The following USP40 variants were observed in gnomAD, a reference collection of about 807,000 sequenced individuals.
USP40 encodes ubiquitin specific peptidase 40, also known as ubiquitin carboxyl-terminal hydrolase 40.
USP40 carries 143 observed loss-of-function variants against 166.2 expected under a neutral mutation model. That is an observed-to-expected ratio of 0.86 (90% confidence interval 0.75 to 0.99). The LOEUF (loss-of-function observed/expected upper bound fraction) is 0.99, where lower values mean the gene tolerates loss of function less well. Ranked by LOEUF, USP40 falls within the 50% of genes least tolerant of loss-of-function variation. The probability of loss-of-function intolerance (pLI) is 0.00; values close to 1 mark genes in which losing one functional copy is unlikely to be tolerated. For missense variants in USP40, 1,444 were observed against 1,479.7 expected, an observed-to-expected ratio of 0.98 and a Z score of 0.40; for synonymous variants, 498 against 524.0, an observed-to-expected ratio of 0.95 and a Z score of 0.68.
chr2:233,534,031 T>C (rs1293858489), intron 10 of USP40, among the ~76,000 whole-genome samples: 1 of 152,212 alleles, frequency 6.6e-6, no homozygotes. Flanking sequence ...GCATTTTGAT[T>C]ACACCTCACT....
chr2:233,487,359 A>C (rs1344788569), intron 28 of USP40, among the ~76,000 whole-genome samples: 1 of 152,230 alleles, frequency 6.6e-6, no homozygotes, highest in Non-Finnish European at 1.5e-5. Flanking sequence ...GTGAGGTAAA[A>C]TAAATACTCA....
chr2:233,517,741 C>T (rs569076895), intron 18 of USP40, among the ~76,000 whole-genome samples: 9 of 151,650 alleles, frequency 5.9e-5, no homozygotes, highest in Middle Eastern at 6.8e-3. Context: ...ATGGAACCAA[C>T]CCAAATGCCC....
intron 22 of USP40, among the ~76,000 whole-genome samples, chr2:233,499,058 C>T (rs557597051): frequency 2.5e-4 from 38 of 152,174 alleles, no homozygotes; most frequent in East Asian, 3.9e-4. Context: ...CACAGGTAAA[C>T]GTGTGCCATG....
chr2:233,506,986 A>C (rs1325309375), intron 21 of USP40, among the ~76,000 whole-genome samples: 1 of 152,120 alleles, frequency 6.6e-6, no homozygotes, highest in African/African-American at 2.4e-5. Flanking sequence ...GCAAAAAAAA[A>C]GTACCTGATA....
intron 23 of USP40, among the ~76,000 whole-genome samples, chr2:233,497,846 G>A (rs557886955): frequency 6.6e-6 from 1 of 152,298 alleles, no homozygotes; most frequent in South Asian, 2.1e-4. Context: ...AGCATTCCAG[G>A]GCAAGGCCCC....
Position 233,486,873 on chromosome 2 carries a change from G to A in USP40, c.3198-896C>T, listed in dbSNP as rs1028662994. Reference sequence around the variant, plus strand: ...CAAGGCCTGGAGCCCAGCACAGTGCGGCCAGAGGACAGAAAGGGCATCGGC... The same window carrying A: ...CAAGGCCTGGAGCCCAGCACAGTGCAGCCAGAGGACAGAAAGGGCATCGGC... On this transcript the variant is annotated intron_variant, in intron 28 of 31. Coordinates refer to ENST00000678225, the MANE Select transcript of USP40 (RefSeq NM_001365479.2). This position sits in a 1 kb window ranked among gnomAD's most constrained non-coding sequence, Gnocchi z 4.0. 6.6e-6 allele frequency among the ~76,000 whole-genome samples: 1 copy of A among 152,168 alleles called. No individual in the cohort carries two copies. The highest frequency in any genetic ancestry group is 6.5e-5 in the Admixed American group (1 of 15,288).
At chr2:233,550,803 T>G (rs535351020) in intron 7 of USP40, among the ~76,000 whole-genome samples, 1 of 152,302 alleles carries the variant, frequency 6.6e-6, no homozygotes, top group African/African-American at 2.4e-5. Context: ...CCCTATGTCT[T>G]AAGGATTACA....
chr2:233,476,988 T>C lies in USP40; in HGVS notation c.*404A>G. On this transcript the variant is annotated 3_prime_UTR_variant, in exon 32 of 32. Coordinates refer to ENST00000678225, the MANE Select transcript of USP40 (RefSeq NM_001365479.2). ...AGCCGGTCAGGGCGAACGAGAGTCA[T>C]CTGAACACGGAGGAAAGTGGCTGGC... The C allele has an allele frequency of 3.1e-6, 1 of 327,714 alleles. No homozygotes were observed. Among genetic ancestry groups the C allele is most frequent in the South Asian group, 2.5e-5 (1 of 39,342 alleles). 20.3% of individuals were successfully genotyped at this position (327,714 alleles called of 1,614,324 possible).
intron 20 of USP40, among the ~76,000 whole-genome samples, chr2:233,511,438 G>A (rs1209501046): frequency 6.6e-6 from 1 of 152,132 alleles, no homozygotes; most frequent in Non-Finnish European, 1.5e-5. Context: ...TTAGAACTTA[G>A]GAAATATAGT....
At chr2:233,560,186 C>G (rs2071444470) in intron 3 of USP40, among the ~76,000 whole-genome samples, 1 of 152,148 alleles carries the variant, frequency 6.6e-6, no homozygotes, top group South Asian at 2.1e-4. Flanking sequence ...CCTTAATAAA[C>G]CACTCAACTG....
rs2064965996 is a variant in USP40 at position 233,486,592 on chromosome 2, A to C, written c.3198-615T>G. On this transcript the variant is annotated intron_variant, in intron 28 of 31. Transcript: ENST00000678225. This position sits in a 1 kb window ranked among gnomAD's most constrained non-coding sequence, Gnocchi z 4.0. The stretch of plus-strand genomic sequence containing the variant: ...AGGCCATGGAGGAAAAGCTATAGAT[A>C]AGAACTGGAAGGCAGCAAGGGGAAA... Among the ~76,000 whole-genome samples the C allele has an allele frequency of 6.6e-6, 1 of 152,242 alleles. No homozygotes were observed. Among genetic ancestry groups the C allele is most frequent in the South Asian group, 2.1e-4 (1 of 4,836 alleles).
At position 233,556,753 on chromosome 2, in the gene USP40, G is replaced by T. The variant is rs1029416843; in HGVS notation, c.546+102C>A. ...AAAAAAACTCAATAAATTACTTTTA[G>T]TAATAAACACTTTAATCCTTGTGTG... On this transcript the variant is annotated intron_variant, in intron 5 of 31. Coordinates refer to ENST00000678225, the MANE Select transcript of USP40 (RefSeq NM_001365479.2). The T allele has an allele frequency of 1.2e-5, 13 of 1,113,136 alleles. No individual in the cohort carries two copies. In the East Asian group the frequency reaches 3.3e-4, roughly 28 times the overall value. 69.0% of individuals were successfully genotyped at this position (1,113,136 alleles called of 1,614,324 possible).
In USP40 at chr2:233,477,360, T is replaced by A. The variant is rs1388392481; in HGVS notation, c.*32A>T. ...CACGTTTGTGGCATCAGCCGGAGAGTTCATCGGGAGTAGAGCCGTGCAGCG... is the reference window on the plus strand; with the variant it reads ...CACGTTTGTGGCATCAGCCGGAGAGATCATCGGGAGTAGAGCCGTGCAGCG... On this transcript the variant is annotated 3_prime_UTR_variant, in exon 32 of 32. Coordinates refer to ENST00000678225, the MANE Select transcript of USP40 (RefSeq NM_001365479.2). The A allele has an allele frequency of 1.9e-6, 3 of 1,601,888 alleles. No individual in the cohort carries two copies. Among genetic ancestry groups the A allele is most frequent in the Middle Eastern group, 1.7e-4 (1 of 6,004 alleles).
intron 18 of USP40, among the ~76,000 whole-genome samples, chr2:233,514,724 A>T (rs1015288233): frequency 3.3e-5 from 5 of 152,210 alleles, no homozygotes; most frequent in Admixed American, 1.3e-4. Context: ...ATGACAGCAA[A>T]CTATGCATTT....
At chr2:233,544,591 G>GA (rs1010268701) in intron 8 of USP40, among the ~76,000 whole-genome samples, 1 of 152,148 alleles carries the variant, frequency 6.6e-6, no homozygotes, top group African/African-American at 2.4e-5. Flanking sequence ...AGGTTTGGTG[G>GA]AAAGGGGCCC....
At position 233,533,690 on chromosome 2, in the gene USP40, A is replaced by T; in HGVS notation, c.1260T>A (p.Ser420=). The part of the protein sequence containing the change: ...LLKNSSLQAE[S]DFQRNDQQIF... Reference sequence around the variant, plus strand: ...TTTGCTGGTCATTCCTTTGGAAATCAGACTCAGCCTGGAGAGAACTATTCT... The same window carrying T: ...TTTGCTGGTCATTCCTTTGGAAATCTGACTCAGCCTGGAGAGAACTATTCT... Residue 420 remains serine (S), a synonymous_variant, in exon 11 of 32, where the codon TCT becomes TCA. Coordinates refer to ENST00000678225, the MANE Select transcript of USP40 (RefSeq NM_001365479.2). 1 of 1,613,778 alleles carries T rather than the reference A, an allele frequency of 6.2e-7. No homozygotes were observed. Among genetic ancestry groups the T allele is most frequent in the Non-Finnish European group, 8.5e-7 (1 of 1,179,806 alleles).
At position 233,565,469 on chromosome 2, in the gene USP40, A is replaced by G; in HGVS notation, c.86T>C (p.Leu29Ser). The G allele has an allele frequency of 6.5e-7, 1 of 1,537,222 alleles. No homozygotes were observed. The highest frequency in any genetic ancestry group is 8.7e-7 in the Non-Finnish European group (1 of 1,146,820). Residue 29 changes from leucine to serine, a missense_variant, in exon 2 of 32, where the codon TTG becomes TCG. Leu to Ser is a moderately radical substitution (Grantham distance 145). Coordinates refer to ENST00000678225, the MANE Select transcript of USP40 (RefSeq NM_001365479.2). ...GAATTCTCTAGGAGCAGGTGGCTCCAAAGCTTTAGTCTTTAATTTCTTCCC... is the reference window on the plus strand; with the variant it reads ...GAATTCTCTAGGAGCAGGTGGCTCCGAAGCTTTAGTCTTTAATTTCTTCCC... ...GKGKKLKTKA[L>S]EPPAPREFTN...
intron 2 of USP40, among the ~76,000 whole-genome samples, chr2:233,564,831 T>C (rs938264754): frequency 6.6e-6 from 1 of 152,140 alleles, no homozygotes; most frequent in Admixed American, 6.5e-5. Context: ...AAACTGTAAA[T>C]AGCCTCACAC....
chr2:233,542,600 C>T (rs2069524505), intron 8 of USP40: 3 of 364,568 alleles, frequency 8.2e-6, no homozygotes, highest in Non-Finnish European at 1.5e-5. Context: ...ACTGCTTGAG[C>T]CCAGGAGGTC....
Sources: gnomAD v4.1 joint callset for allele counts (sites outside exome capture counted in the v4.1 genomes callset) on GRCh38, gnomAD v4.1.1 for gene constraint, Gnocchi (gnomAD v3.1) non-coding constraint, MANE v1.5 for transcripts, NCBI Gene and HGNC (gene_info 2026-07-23, HGNC 2026-07-21) for gene names.